The following ABCA7 variants were observed in gnomAD, a reference collection of about 807,000 sequenced individuals.
The protein encoded by ABCA7 is ATP binding cassette subfamily A member 7, also known as phospholipid-transporting ATPase ABCA7.
A neutral mutation model predicts 227.6 loss-of-function variants in ABCA7; 261 were observed. The observed-to-expected ratio is 1.15, with a 90% CI of 1.04 to 1.27. The LOEUF is 1.27. ABCA7 is among the 50% of genes most tolerant of loss of function. ABCA7 has a pLI of 0.00. For synonymous variants in ABCA7, 1,488 were observed against 1,279.7 expected (o/e 1.16, Z -3.47); for missense variants, 3,331 against 2,924.5 (o/e 1.14, Z -3.21).
rs753235530 is a variant in ABCA7 at position 1,047,557 on chromosome 19, G to A, written c.2172G>A (p.Thr724=). 7.2e-5 allele frequency: 116 copies of A among 1,601,988 alleles called. No individual in the cohort carries two copies. In the South Asian group the frequency reaches 1.1e-3, roughly 16 times the overall value. ...GGCACAACGTGGGCACCCGGCCTACGGCAGACGTCTTCAGCCTGGCCCAGG... is the reference window on the plus strand; with the variant it reads ...GGCACAACGTGGGCACCCGGCCTACAGCAGACGTCTTCAGCCTGGCCCAGG... ...AQWHNVGTRP[T]ADVFSLAQVS... is the part of the protein sequence containing the mutation. The change falls in exon 16 of 47, where the codon ACG becomes ACA. Residue 724 remains threonine (T), a synonymous_variant. Coordinates refer to ENST00000263094, the MANE Select transcript of ABCA7 (RefSeq NM_019112.4).
rs776791287 is a variant in ABCA7, at chr19:1,053,835, G to A, written c.3471G>A (p.Glu1157=). The A allele has an allele frequency of 6.2e-7, 1 of 1,610,886 alleles. No individual in the cohort carries two copies. The highest frequency in any genetic ancestry group is 1.1e-5 in the South Asian group (1 of 90,934). Residue 1157 remains glutamate (E), a splice_region_variant and synonymous_variant, in exon 25 of 47, where the codon GAG becomes GAA. Coordinates refer to ENST00000263094, the MANE Select transcript of ABCA7 (RefSeq NM_019112.4). ...AGTGTGCTGCGGACACAGATATGGA[G>A]GGTGCGGCCACAGCTCCCTGACCCC... ...VEECAADTDM[E]DGSCGQHLCT... is the part of the protein sequence containing the mutation.
intron 10 of ABCA7, among the ~76,000 whole-genome samples, chr19:1,044,238 CTTTTTT>C (rs4147941): frequency 1.4e-5 from 1 of 69,674 alleles, no homozygotes; most frequent in South Asian, 5.8e-4. Flanking sequence ...CCACGTCCTG[CTTTTTT>C]TTTTTTTTTT....
intron 6 of ABCA7, 72 bp downstream of exon 6, chr19:1,042,469 C>A: frequency 6.4e-7 from 1 of 1,572,206 alleles, no homozygotes; most frequent in Non-Finnish European, 8.7e-7. Context: ...ACTGCCCCAC[C>A]CCGGGCCAAG....
rs768165419 is a variant in ABCA7 at position 1,054,288 on chromosome 19, C to A, written c.3673C>A (p.Leu1225Ile). The part of the protein sequence containing the change: ...ALTRQQLQAL[L>I]LKRFLLARRS... ...GACCCGCCAGCAGCTCCAGGCCCTG[C>A]TTCTCAAGCGCTTTCTGCTTGCCCG... The change falls in exon 27 of 47, where the codon CTT (leucine) becomes ATT (isoleucine). Residue 1225 changes from leucine (L) to isoleucine (I), a missense_variant. By Grantham distance (5) the Leu-to-Ile change is conservative. Transcript: ENST00000263094. The surrounding 1 kb of genome is among the most constrained non-coding windows in gnomAD (Gnocchi z 4.8). 1.9e-6 allele frequency: 3 copies of A among 1,607,300 alleles called. No individual in the cohort carries two copies. The highest frequency in any genetic ancestry group is 1.7e-6 in the Non-Finnish European group (2 of 1,179,400).
intron 16 of ABCA7, among the ~76,000 whole-genome samples, chr19:1,048,518 A>AAAAAAC: frequency 7.1e-6 from 1 of 141,096 alleles, no homozygotes; most frequent in African/African-American, 2.6e-5. Context: ...AACAAAAAAA[A>AAAAAAC]AAAAAACAAG....
intron 40 of ABCA7, among the ~76,000 whole-genome samples, chr19:1,061,378 A>G (rs1020218068): frequency 5.2e-5 from 7 of 134,962 alleles, no homozygotes; most frequent in African/African-American, 2.3e-4. Flanking sequence ...GTGACACAGC[A>G]AGGCTCCGTC....
intron 16 of ABCA7, 30 bp from the exon 17 acceptor site, chr19:1,048,865 C>A: frequency 7.3e-7 from 1 of 1,366,018 alleles, no homozygotes; most frequent in East Asian, 2.4e-5. Flanking sequence ...GGGGGGTGGG[C>A]TAAGCAATAA....
intron 17 of ABCA7, 113 bp from the exon 18 acceptor site, chr19:1,049,153 G>C (rs971857612): frequency 7.6e-7 from 1 of 1,313,422 alleles, no homozygotes; most frequent in African/African-American, 1.5e-5. Context: ...AGCTCCCGCA[G>C]CTTTTATAGG....
At chr19:1,050,850 TA>T in intron 18 of ABCA7, 70 bp from the exon 19 acceptor site, 1 of 1,241,346 alleles carries the variant, frequency 8.1e-7, no homozygotes, top group Non-Finnish European at 1.0e-6. Flanking sequence ...AAACAGAAAT[TA>T]AAAATAGAAG....
In ABCA7 at chr19:1,055,359, A is replaced by G. The variant is rs775779941; in HGVS notation, c.4205+8A>G. 6.4e-7 allele frequency: 1 copy of G among 1,565,782 alleles called. No individual in the cohort carries two copies. Among genetic ancestry groups the G allele is most frequent in the Non-Finnish European group, 8.6e-7 (1 of 1,157,570 alleles). Reference sequence around the variant, plus strand: ...GCGCCTGGTGCGCCAGGGGTGAGCCATGCCCTGGGACTCAGTTTCCCTGGC... The same window carrying G: ...GCGCCTGGTGCGCCAGGGGTGAGCCGTGCCCTGGGACTCAGTTTCCCTGGC... On this transcript the variant is annotated splice_region_variant and intron_variant, in intron 30 of 46. Transcript: ENST00000263094.
chr19:1,052,128 T>G lies in ABCA7; in HGVS notation c.3147+2T>G. On this transcript the variant is annotated splice_donor_variant, in intron 22 of 46. Coordinates refer to ENST00000263094, the MANE Select transcript of ABCA7 (RefSeq NM_019112.4). LOFTEE classifies it high-confidence loss of function. ...CTGCCCCTGACCACCAATGAGAAGGTGGGGACCGGCCTTCTCCTGACCCCT... is the reference window on the plus strand; with the variant it reads ...CTGCCCCTGACCACCAATGAGAAGGGGGGGACCGGCCTTCTCCTGACCCCT... The G allele has an allele frequency of 1.2e-6, 2 of 1,611,642 alleles. No homozygotes were observed. Among genetic ancestry groups the G allele is most frequent in the Non-Finnish European group, 1.7e-6 (2 of 1,179,574 alleles).
intron 18 of ABCA7, 82 bp from the exon 19 acceptor site, chr19:1,050,839 A>G: frequency 1.7e-6 from 2 of 1,154,432 alleles, no homozygotes; most frequent in East Asian, 3.0e-5. Context: ...AAATTTTTTA[A>G]AAACAGAAAT....
chr19:1,058,612 C>G lies in ABCA7; in HGVS notation c.5150-6C>G, dbSNP rs1485140720. The G allele has an allele frequency of 3.1e-6, 5 of 1,613,592 alleles. No individual in the cohort carries two copies. The African/African-American group carries it at 5.3e-5, about 17-fold the overall frequency. ...TGGACCCAGTCCCTCCTTTCTATATCCACAGGAGACAGGCAGTTCCAGTCA... is the reference window on the plus strand; with the variant it reads ...TGGACCCAGTCCCTCCTTTCTATATGCACAGGAGACAGGCAGTTCCAGTCA... On this transcript the variant is annotated splice_polypyrimidine_tract_variant and splice_region_variant and intron_variant, in intron 37 of 46. Coordinates refer to ENST00000263094, the MANE Select transcript of ABCA7 (RefSeq NM_019112.4).
At position 1,052,052 on chromosome 19, in the gene ABCA7, C is replaced by T. The variant is rs1453906414; in HGVS notation, c.3073C>T (p.Leu1025=). 6.2e-7 allele frequency: 1 copy of T among 1,612,332 alleles called. No homozygotes were observed. The highest frequency in any genetic ancestry group is 8.5e-7 in the Non-Finnish European group (1 of 1,179,904). Residue 1025 remains leucine, a synonymous_variant, in exon 22 of 47, where the codon CTG becomes TTG. Coordinates refer to ENST00000263094, the MANE Select transcript of ABCA7 (RefSeq NM_019112.4). ...RLCCCGSPLF[L]RRHLGSGYYL... ...GTGCTGCTGTGGCTCCCCACTCTTC[C>T]TGCGCCGTCACCTGGGCTCCGGCTA...
At chr19:1,046,104 G>C (rs1031034813) in intron 12 of ABCA7, 126 bp from the exon 13 acceptor site, 1 of 1,115,516 alleles carries the variant, frequency 9.0e-7, no homozygotes, top group Non-Finnish European at 1.3e-6. Flanking sequence ...AGTGAGCTAT[G>C]ATTGCAGCTC....
At position 1,042,399 on chromosome 19, in the gene ABCA7, T is replaced by C; in HGVS notation, c.498+2T>C. ...CTGCTGACGTCACTGCTGCGCACGG[T>C]AGGGTGTCGGGGCGGGACCGCGCTG... On this transcript the variant is annotated splice_donor_variant, in intron 6 of 46. Coordinates refer to ENST00000263094, the MANE Select transcript of ABCA7 (RefSeq NM_019112.4). LOFTEE classifies it high-confidence loss of function. 6.2e-7 allele frequency: 1 copy of C among 1,610,352 alleles called. No homozygotes were observed. Among genetic ancestry groups the C allele is most frequent in the South Asian group, 1.1e-5 (1 of 90,924 alleles).
At chr19:1,053,901 C>T in intron 25 of ABCA7, 65 bp downstream of exon 25, 2 of 1,592,238 alleles carry the variant, frequency 1.3e-6, no homozygotes, top group Non-Finnish European at 1.7e-6. Context: ...AGGTCCCCAT[C>T]CCTGGCTTAG....
rs747207346 is a variant in ABCA7 at position 1,049,354 on chromosome 19, C to G, written c.2469C>G (p.Ala823=). The stretch of plus-strand genomic sequence containing the variant: ...GCTTTCCTGGAAGCCCGCAGCCAGC[C>G]CTGCGGGGGCTCAGCCTGGACTTCT... ...EKRFPGSPQP[A]LRGLSLDFYQ... Residue 823 remains alanine, a synonymous_variant, in exon 18 of 47, where the codon GCC becomes GCG. Transcript: ENST00000263094. 6.2e-7 allele frequency: 1 copy of G among 1,611,608 alleles called. No homozygotes were observed. The highest frequency in any genetic ancestry group is 8.5e-7 in the Non-Finnish European group (1 of 1,179,254).
intron 42 of ABCA7, 107 bp from the exon 43 acceptor site, chr19:1,063,437 G>T: frequency 6.2e-6 from 9 of 1,449,502 alleles, no homozygotes; most frequent in Non-Finnish European, 8.4e-6. Context: ...CCTGCCCCAT[G>T]CCCATTATGC....
Sources: gnomAD v4.1 joint callset for allele counts (sites outside exome capture counted in the v4.1 genomes callset) on GRCh38, gnomAD v4.1.1 for gene constraint, Gnocchi (gnomAD v3.1) non-coding constraint, MANE v1.5 for transcripts, NCBI Gene and HGNC (gene_info 2026-07-23, HGNC 2026-07-21) for gene names.